Variants in AGBL4 observed in about 807,000 individuals in gnomAD.
AGBL4 encodes cytosolic carboxypeptidase 6.
In AGBL4, 58 loss-of-function variants were observed where a neutral mutation model predicts 66.4. The observed-to-expected ratio is 0.87, with a 90% CI of 0.71 to 1.09. The LOEUF is 1.09. Among genes scored for constraint, AGBL4 ranks in the 50% least tolerant of loss-of-function variants. The pLI, the probability that AGBL4 is intolerant of heterozygous loss-of-function variation, is 0.00. For missense variants in AGBL4, 579 were observed against 631.0 expected (o/e 0.92, Z 0.88); for synonymous variants, 234 against 222.9 (o/e 1.05, Z -0.44).
intron 5 of AGBL4, among the ~76,000 whole-genome samples, chr1:48,914,099 C>T (rs1330788560): frequency 6.6e-6 from 1 of 152,018 alleles, no homozygotes; most frequent in Non-Finnish European, 1.5e-5. Flanking sequence ...ATTGAAGCCA[C>T]GAGAGGGGAT....
chr1:48,561,167 C>G (rs1644391466), intron 11 of AGBL4, among the ~76,000 whole-genome samples: 1 of 151,824 alleles, frequency 6.6e-6, no homozygotes, highest in African/African-American at 2.4e-5. Context: ...AAGAGCATCA[C>G]ATTTGTAAAG....
intron 2 of AGBL4, among the ~76,000 whole-genome samples, chr1:49,725,299 G>T (rs775201154): frequency 6.6e-6 from 1 of 152,198 alleles, no homozygotes; most frequent in Non-Finnish European, 1.5e-5. Flanking sequence ...TTAAGGGCTT[G>T]CTGAGTTCAT....
At chr1:49,319,140 T>C (rs1261042088) in intron 3 of AGBL4, among the ~76,000 whole-genome samples, 1 of 152,224 alleles carries the variant, frequency 6.6e-6, no homozygotes, top group Admixed American at 6.5e-5. Flanking sequence ...CATTTCATTC[T>C]AATGACAATC....
chr1:49,542,267 G>A (rs1570986147), intron 3 of AGBL4, among the ~76,000 whole-genome samples: 1 of 152,174 alleles, frequency 6.6e-6, no homozygotes, highest in Non-Finnish European at 1.5e-5. Context: ...CTTCCACATT[G>A]TGGAAGCTTT....
At chr1:49,031,894 T>C (rs955635502) in intron 5 of AGBL4, among the ~76,000 whole-genome samples, 3 of 152,068 alleles carry the variant, frequency 2.0e-5, no homozygotes, top group Non-Finnish European at 4.4e-5. Context: ...GATAAGTCTG[T>C]TAAAAGAGAA....
intron 3 of AGBL4, among the ~76,000 whole-genome samples, chr1:49,435,737 C>T (rs1156594925): frequency 2.0e-5 from 3 of 152,146 alleles, no homozygotes; most frequent in Non-Finnish European, 4.4e-5. Flanking sequence ...GAATAGATTC[C>T]TATCAAGTAA....
chr1:49,443,753 C>T (rs1570730445), intron 3 of AGBL4, among the ~76,000 whole-genome samples: 1 of 150,700 alleles, frequency 6.6e-6, no homozygotes, highest in Non-Finnish European at 1.5e-5. Flanking sequence ...TTTAAGACTC[C>T]ATTTTATTTA....
chr1:49,881,095 T>C (rs1571790414), intron 1 of AGBL4, among the ~76,000 whole-genome samples: 4 of 152,048 alleles, frequency 2.6e-5, no homozygotes, highest in Non-Finnish European at 4.4e-5. Flanking sequence ...GTACCTCAGA[T>C]GGAAATGCAG....
At chr1:49,592,141 T>C (rs1464912100) in intron 3 of AGBL4, among the ~76,000 whole-genome samples, 1 of 152,060 alleles carries the variant, frequency 6.6e-6, no homozygotes, top group Non-Finnish European at 1.5e-5. Context: ...GCCAATAGAA[T>C]AAACAGACAA....
chr1:48,759,457 T>G (rs1644137884), intron 6 of AGBL4: 1 of 1,193,576 alleles, frequency 8.4e-7, no homozygotes, highest in Non-Finnish European at 1.1e-6. Context: ...GGGGAAACAT[T>G]TTATAAATTT....
At chr1:49,375,414 C>T (rs1290403236) in intron 3 of AGBL4, among the ~76,000 whole-genome samples, 2 of 151,698 alleles carry the variant, frequency 1.3e-5, no homozygotes, top group African/African-American at 4.8e-5. Flanking sequence ...ATTTTTTTTT[C>T]TAAAGGCCAC....
At chr1:49,604,517 T>C (rs112416569) in intron 3 of AGBL4, among the ~76,000 whole-genome samples, 125 of 152,354 alleles carry the variant, frequency 8.2e-4, no homozygotes, top group African/African-American at 2.9e-3. Context: ...TCCCATTATG[T>C]AGGTCATCTG....
intron 3 of AGBL4, among the ~76,000 whole-genome samples, chr1:49,594,361 T>C (rs1644810943): frequency 6.6e-6 from 1 of 152,212 alleles, no homozygotes; most frequent in Admixed American, 6.5e-5. Flanking sequence ...CTTTTTCTTT[T>C]AAACTTTAAG....
At chr1:49,366,111 T>C (rs146764343) in intron 3 of AGBL4, among the ~76,000 whole-genome samples, 1 of 152,270 alleles carries the variant, frequency 6.6e-6, no homozygotes, top group East Asian at 1.9e-4. Context: ...CAACTTTCAA[T>C]GCTTAAGAAA....
At chr1:48,938,870 G>A (rs192788205) in intron 5 of AGBL4, among the ~76,000 whole-genome samples, 197 of 152,216 alleles carry the variant, frequency 1.3e-3, no homozygotes, top group Middle Eastern at 3.4e-3. Context: ...GTGGTAATAA[G>A]TACATCATGC....
intron 3 of AGBL4, among the ~76,000 whole-genome samples, chr1:49,262,266 T>C (rs1002805396): frequency 2.6e-5 from 4 of 151,910 alleles, no homozygotes; most frequent in South Asian, 2.1e-4. Context: ...ACTTCATGTC[T>C]AAAACACTTC....
At chr1:49,600,429 C>T (rs1247797842) in intron 3 of AGBL4, among the ~76,000 whole-genome samples, 3 of 152,116 alleles carry the variant, frequency 2.0e-5, no homozygotes, top group Non-Finnish European at 4.4e-5. Context: ...ACTAGGGTTG[C>T]AACTCCTGCA....
intron 4 of AGBL4, among the ~76,000 whole-genome samples, chr1:49,150,749 C>T (rs963677492): frequency 3.3e-5 from 5 of 152,206 alleles, no homozygotes; most frequent in Admixed American, 6.5e-5. Context: ...GCACCCTTCT[C>T]GGATCCCTCA....
At chr1:49,297,135 C>A (rs922156854) in intron 3 of AGBL4, among the ~76,000 whole-genome samples, 1 of 152,142 alleles carries the variant, frequency 6.6e-6, no homozygotes, top group Non-Finnish European at 1.5e-5. Context: ...TTTGTCAATC[C>A]CTAGTTTCTA....
Sources: allele counts gnomAD v4.1 joint callset (sites outside exome capture counted in the v4.1 genomes callset), GRCh38; gene constraint gnomAD v4.1.1; transcripts MANE v1.5; gene names NCBI Gene and HGNC (gene_info 2026-07-23, HGNC 2026-07-21).